The following CBARP variants were observed in gnomAD, a reference collection of about 807,000 sequenced individuals.
CBARP encodes the protein voltage-dependent calcium channel beta subunit-associated regulatory protein.
In CBARP, 24 loss-of-function variants were observed where a neutral mutation model predicts 36.3. The ratio of observed to expected loss-of-function variants is 0.66; its 90% CI spans 0.48 to 0.93. The LOEUF is 0.93. Among genes scored for constraint, CBARP ranks in the 40% least tolerant of loss-of-function variants. The pLI, the probability that CBARP is intolerant of heterozygous loss-of-function variation, is 0.00. For missense variants in CBARP, 1,146 were observed against 980.4 expected (o/e 1.17, Z -2.26); for synonymous variants, 586 against 453.2 (o/e 1.29, Z -3.72).
intron 8 of CBARP, 148 bp downstream of exon 8, chr19:1,233,278 G>C: frequency 2.3e-6 from 2 of 854,046 alleles, no homozygotes; most frequent in South Asian, 3.8e-5. Flanking sequence ...CAGGCAGCAC[G>C]CCCGCTGGCA....
chr19:1,235,685 CCT>C, intron 3 of CBARP, 92 bp downstream of exon 3: 1 of 1,596,848 alleles, frequency 6.3e-7, no homozygotes, highest in Non-Finnish European at 8.5e-7. Flanking sequence ...CATAGCCCAC[CCT>C]GTGACTCAGA....
At position 1,235,869 on chromosome 19, in the gene CBARP, A is replaced by G. The variant is rs1405108118; in HGVS notation, c.155T>C (p.Met52Thr). ...LDNYVLLVVV[M>T]SLFVGGTLVV... Reference sequence around the variant, plus strand: ...CAGCGTGCCCCCCACGAACAGCGACATCACCACCACCAGCAGCACGTAGTT... The same window carrying G: ...CAGCGTGCCCCCCACGAACAGCGACGTCACCACCACCAGCAGCACGTAGTT... Residue 52 changes from methionine to threonine, a missense_variant, in exon 3 of 10, where the codon ATG (methionine) becomes ACG (threonine). Physicochemically the swap from Met to Thr is moderately conservative, Grantham distance 81. Coordinates refer to ENST00000650044, the MANE Select transcript of CBARP (RefSeq NM_001393918.1). The G allele has an allele frequency of 2.5e-5, 41 of 1,612,186 alleles. No individual in the cohort carries two copies. Among genetic ancestry groups the G allele is most frequent in the Non-Finnish European group, 3.2e-5 (38 of 1,179,930 alleles).
chr19:1,229,872 G>GC lies in CBARP; in HGVS notation c.1424dup (p.Ala476ArgfsTer329). ...AGGGCGGCGGGAAGGCGGGCGCCGC[G>GC]CCCCCGGAGCCTGAGCCCGAGCTGT... On this transcript the variant is annotated frameshift_variant, in exon 10 of 10. Transcript: ENST00000650044. LOFTEE classifies it low-confidence loss of function (END_TRUNC). The surrounding 1 kb of genome is among the most constrained non-coding windows in gnomAD (Gnocchi z 5.1). 2 of 992,946 alleles carry GC rather than the reference G, an allele frequency of 2.0e-6. No homozygotes were observed. Among genetic ancestry groups the GC allele is most frequent in the South Asian group, 3.9e-5 (1 of 25,626 alleles). 61.5% of individuals were successfully genotyped at this position (992,946 alleles called of 1,614,324 possible).
intron 5 of CBARP, 129 bp from the exon 6 acceptor site, chr19:1,234,871 C>G: frequency 6.7e-7 from 1 of 1,499,488 alleles, no homozygotes; most frequent in East Asian, 2.4e-5. Flanking sequence ...CCAAGGCCGC[C>G]CCACCCCACG....
In CBARP at chr19:1,231,126, C is replaced by T. The variant is rs756229000; in HGVS notation, c.1129G>A (p.Ala377Thr). The T allele has an allele frequency of 1.3e-6, 2 of 1,599,926 alleles. No individual in the cohort carries two copies. The highest frequency in any genetic ancestry group is 8.5e-7 in the Non-Finnish European group (1 of 1,172,746). The change falls in exon 9 of 10, where the codon GCC (alanine) becomes ACC (threonine). Residue 377 changes from alanine (A) to threonine (T), a missense_variant. By Grantham distance (58) the Ala-to-Thr change is moderately conservative. Transcript: ENST00000650044. Reference protein sequence around the residue: ...VAFPHPRPFLASPPPALGRLE... With the variant: ...VAFPHPRPFLTSPPPALGRLE... ...CTGCCGAGAGCAGGGGGCGGGCTGG[C>T]CAGAAAGGGGCGGGGGTGCGGGAAG...
At position 1,228,360 on chromosome 19, in the gene CBARP, C is replaced by T. The variant is rs1483202260; in HGVS notation, c.*819G>A. 11 of 238,780 alleles carry T rather than the reference C, an allele frequency of 4.6e-5. No individual in the cohort carries two copies. In the East Asian group the frequency reaches 6.1e-4, roughly 13 times the overall value. The allele number at this position is 238,780 out of a possible 1,614,324, so 14.8% of individuals were successfully genotyped here. A position where few individuals can be genotyped will look rare whatever the true frequency, so the allele number is the denominator to read the frequency against. On this transcript the variant is annotated 3_prime_UTR_variant, in exon 10 of 10. Transcript: ENST00000650044. ...CCATCGCGGGATGGTGCAGACGCGG[C>T]GGGGACTCGGAGGGTGCCGTGCGGG... is the stretch of plus-strand genomic sequence containing the variant.
At chr19:1,231,338 C>G (rs2080889604) in intron 8 of CBARP, 63 bp from the exon 9 acceptor site, 2 of 1,543,028 alleles carry the variant, frequency 1.3e-6, no homozygotes, top group Non-Finnish European at 8.7e-7. Flanking sequence ...CACACACACA[C>G]AGAATGCCTA....
At chr19:1,231,008 C>A in intron 9 of CBARP, 93 bp downstream of exon 9, 1 of 1,549,296 alleles carries the variant, frequency 6.5e-7, no homozygotes, top group South Asian at 1.2e-5. Context: ...GTCCACGGGG[C>A]CTGGAGAGCG....
Sources: gnomAD v4.1 joint callset for allele counts on GRCh38, gnomAD v4.1.1 for gene constraint, Gnocchi (gnomAD v3.1) non-coding constraint, MANE v1.5 for transcripts, NCBI Gene and HGNC (gene_info 2026-07-23, HGNC 2026-07-21) for gene names.